Variants in ELF1 observed in about 807,000 individuals in gnomAD.
The protein encoded by ELF1 is ETS-related transcription factor Elf-1.
In ELF1, 24 loss-of-function variants were observed where a neutral mutation model predicts 59.9. The observed-to-expected ratio is 0.40, with a 90% confidence interval of 0.29 to 0.56. The LOEUF is 0.56. Among genes scored for constraint, ELF1 ranks in the 20% least tolerant of loss-of-function variants. ELF1 has a pLI of 0.44. For missense variants in ELF1, 627 were observed against 742.2 expected, an observed-to-expected ratio of 0.84 and a Z score of 1.80; for synonymous variants, 248 against 266.2, an observed-to-expected ratio of 0.93 and a Z score of 0.67.
At chr13:40,954,954 G>C (rs962007784) in intron 3 of ELF1, among the ~76,000 whole-genome samples, 1 of 138,640 alleles carries the variant, frequency 7.2e-6, no homozygotes, top group Non-Finnish European at 1.6e-5. Flanking sequence ...GCCCAGTCTG[G>C]AAAGTGAGGA....
intron 1 of ELF1, among the ~76,000 whole-genome samples, chr13:40,997,215 C>T (rs1040838257): frequency 6.6e-6 from 1 of 152,144 alleles, no homozygotes; most frequent in Non-Finnish European, 1.5e-5. Context: ...CCTGAATGAT[C>T]TGTTTTCACA....
chr13:40,952,088 T>C (rs1870892412), intron 3 of ELF1, among the ~76,000 whole-genome samples: 1 of 152,180 alleles, frequency 6.6e-6, no homozygotes, highest in South Asian at 2.1e-4. Flanking sequence ...CATTCATCTG[T>C]CTAGCTTTTT....
rs12871360 is a variant in ELF1 at position 40,997,891 on chromosome 13, A to G, written c.-228-15609T>C. 2.7e-3 allele frequency among the ~76,000 whole-genome samples: 418 copies of G among 152,216 alleles called. 7 individuals are homozygous for G. In the East Asian group the frequency reaches 0.052, roughly 19 times the overall value. Reference sequence around the variant, plus strand: ...GCAGGCCAGGCGCAGTGGCTCATGCACATAATCCCAGCACTTTGGGAGGCC... The same window carrying G: ...GCAGGCCAGGCGCAGTGGCTCATGCGCATAATCCCAGCACTTTGGGAGGCC... On this transcript the variant is annotated intron_variant, in intron 1 of 8. Transcript: ENST00000239882.
At chr13:40,955,448 C>A (rs1871235864) in intron 3 of ELF1, among the ~76,000 whole-genome samples, 1 of 134,678 alleles carries the variant, frequency 7.4e-6, no homozygotes, top group South Asian at 2.5e-4. Context: ...GCCCGGCCAG[C>A]CGCCCCGTCC....
At chr13:41,043,860 T>C (rs1350552407) in intron 1 of ELF1, among the ~76,000 whole-genome samples, 3 of 152,236 alleles carry the variant, frequency 2.0e-5, no homozygotes, top group Non-Finnish European at 4.4e-5. Flanking sequence ...TTGATGGTGA[T>C]GGCACTGAAT....
At chr13:40,957,020 C>G (rs1198030226) in intron 3 of ELF1, among the ~76,000 whole-genome samples, 1 of 123,386 alleles carries the variant, frequency 8.1e-6, no homozygotes, top group Non-Finnish European at 1.9e-5. Context: ...CATAAAACTG[C>G]TACTTCTGGA....
At chr13:40,970,808 T>C (rs1197761933) in intron 2 of ELF1, among the ~76,000 whole-genome samples, 1 of 152,206 alleles carries the variant, frequency 6.6e-6, no homozygotes, top group African/African-American at 2.4e-5. Flanking sequence ...GTCTGGTCAA[T>C]GTACTTTCAA....
chr13:40,948,653 G>C (rs1870653434), intron 5 of ELF1, among the ~76,000 whole-genome samples: 1 of 152,202 alleles, frequency 6.6e-6, no homozygotes, highest in African/African-American at 2.4e-5. Context: ...AGAATCAGAA[G>C]GCAATAAAAT....
chr13:41,041,790 TGTAA>T (rs535236236), intron 1 of ELF1, among the ~76,000 whole-genome samples: 61 of 152,294 alleles, frequency 4.0e-4, no homozygotes, highest in African/African-American at 1.3e-3. Flanking sequence ...AAGATTCAAC[TGTAA>T]GTCTTAGGTG....
chr13:40,958,776 A>G, intron 3 of ELF1, 60 bp downstream of exon 3: 1 of 1,535,776 alleles, frequency 6.5e-7, no homozygotes. Flanking sequence ...CATCCTCAGG[A>G]TTAGGACACT....
At chr13:41,002,459 A>G (rs1182726452) in intron 1 of ELF1, among the ~76,000 whole-genome samples, 2 of 151,962 alleles carry the variant, frequency 1.3e-5, no homozygotes, top group East Asian at 3.9e-4. Flanking sequence ...CCTGAGCAAC[A>G]TGGCGAGAAC....
At chr13:40,991,334 G>T (rs1340160450) in intron 1 of ELF1, among the ~76,000 whole-genome samples, 2 of 152,152 alleles carry the variant, frequency 1.3e-5, no homozygotes, top group Non-Finnish European at 2.9e-5. Flanking sequence ...ATGTCCCATA[G>T]GTCTGTAAGG....
intron 1 of ELF1, among the ~76,000 whole-genome samples, chr13:41,010,493 ATGTG>A (rs145032015): frequency 8.7e-5 from 11 of 125,754 alleles, no homozygotes; most frequent in Admixed American, 2.8e-4. Flanking sequence ...TATGAGGTGT[ATGTG>A]TGTGTGTGTG....
chr13:40,942,993 G>A lies in ELF1; in HGVS notation c.765C>T (p.Asn255=), dbSNP rs1269073181. The change falls in exon 7 of 9, where the codon AAC becomes AAT. Residue 255 remains asparagine (N), a synonymous_variant. Coordinates refer to ENST00000239882, the MANE Select transcript of ELF1 (RefSeq NM_172373.4). The part of the protein sequence containing the change: ...AVSRLWGKHK[N]KPDMNYETMG... ...TGGTCTCATAATTCATATCAGGTTT[G>A]TTTTTGTGCTTCCCCCACAACCTGG... 6.8e-6 allele frequency: 11 copies of A among 1,609,398 alleles called. No homozygotes were observed. The highest frequency in any genetic ancestry group is 9.3e-6 in the Non-Finnish European group (11 of 1,177,634).
intron 1 of ELF1, among the ~76,000 whole-genome samples, chr13:41,016,442 G>A (rs564148787): frequency 6.6e-6 from 1 of 152,228 alleles, no homozygotes; most frequent in East Asian, 1.9e-4. Context: ...AGGAGGAGAA[G>A]ATGTGACAAA....
At chr13:41,060,889 GC>G in exon 1 of ELF1, 1 of 338,514 alleles carries the variant, frequency 3.0e-6, no homozygotes, top group Admixed American at 4.0e-5. Flanking sequence ...CGCCACCGCC[GC>G]CTCTGCGCTA....
chr13:40,961,283 T>C (rs1871803276), intron 2 of ELF1, among the ~76,000 whole-genome samples: 1 of 152,254 alleles, frequency 6.6e-6, no homozygotes, highest in Admixed American at 6.5e-5. Context: ...TGGATCGTTT[T>C]ATTTCAAAAT....
rs1875588924 is a variant in ELF1 at position 41,019,218 on chromosome 13, A to G, written c.-229+10T>C. 1.0e-6 allele frequency: 1 copy of G among 985,482 alleles called. No homozygotes were observed. The highest frequency in any genetic ancestry group is 1.2e-6 in the Non-Finnish European group (1 of 829,934). The allele number at this position is 985,482 out of a possible 1,614,324, so 61.0% of individuals were successfully genotyped here. ...GCCAGAAGCAAACATACAAAATTGT[A>G]ACAAGTTACCTTCAAGTATTCTTTC... is the stretch of plus-strand genomic sequence containing the variant. On this transcript the variant is annotated intron_variant, in intron 1 of 8. Transcript: ENST00000239882.
chr13:40,986,734 C>T (rs2138287106), intron 1 of ELF1, among the ~76,000 whole-genome samples: 1 of 152,176 alleles, frequency 6.6e-6, no homozygotes, highest in East Asian at 1.9e-4. Flanking sequence ...ACACAAAACC[C>T]TCAGCCACAC....
Sources: allele counts gnomAD v4.1 joint callset (sites outside exome capture counted in the v4.1 genomes callset), GRCh38; gene constraint gnomAD v4.1.1; transcripts MANE v1.5; gene names NCBI Gene and HGNC (gene_info 2026-07-23, HGNC 2026-07-21).